PRKCZ: variants seen among roughly 807,000 people sequenced by gnomAD.
PRKCZ encodes the protein protein kinase C zeta type.
A neutral mutation model predicts 79.5 loss-of-function variants in PRKCZ; 33 were observed. The observed-to-expected ratio is 0.41, with a 90% confidence interval of 0.31 to 0.55. The LOEUF (loss-of-function observed/expected upper bound fraction) is 0.55. Among genes scored for constraint, PRKCZ ranks in the 20% least tolerant of loss-of-function variants. The pLI, the probability that PRKCZ is intolerant of heterozygous loss-of-function variation, is 0.19. For missense variants in PRKCZ, 578 were observed against 813.5 expected, an observed-to-expected ratio of 0.71 and a Z score of 3.52; for synonymous variants, 342 against 320.9, an observed-to-expected ratio of 1.07 and a Z score of -0.70.
intron 11 of PRKCZ, among the ~76,000 whole-genome samples, chr1:2,170,167 G>C (rs1415833817): frequency 6.6e-6 from 1 of 152,140 alleles, no homozygotes; most frequent in Non-Finnish European, 1.5e-5. Context: ...AACGAGAGTG[G>C]TCTGTTTCTA....
Position 2,137,458 on chromosome 1 carries a change from G to A in PRKCZ, c.420+2111G>A, listed in dbSNP as rs542340321. 8.5e-5 allele frequency among the ~76,000 whole-genome samples: 13 copies of A among 152,286 alleles called. No homozygotes were observed. In the South Asian group the frequency reaches 2.3e-3, roughly 27 times the overall value. On this transcript the variant is annotated intron_variant, in intron 5 of 17. Transcript: ENST00000378567. The stretch of plus-strand genomic sequence containing the variant: ...CATCCTTCAACCCAGTCAAGTCGGC[G>A]CCTGGTGTGACCCATTACAGTGCCG...
chr1:2,163,442 GATAC>G (rs1682707630), intron 10 of PRKCZ, among the ~76,000 whole-genome samples: 1 of 152,220 alleles, frequency 6.6e-6, no homozygotes, highest in Admixed American at 6.5e-5. Context: ...CCCTGGCAAT[GATAC>G]ATACAGCCTC....
chr1:2,101,172 G>C (rs1233868383), intron 4 of PRKCZ, among the ~76,000 whole-genome samples: 1 of 152,154 alleles, frequency 6.6e-6, no homozygotes, highest in Admixed American at 6.5e-5. Context: ...CTGACAACTG[G>C]AGACTTTATT....
rs986012868 is a variant in PRKCZ, at chr1:2,175,267, C to G, written c.1529C>G (p.Ser510Cys). The G allele has an allele frequency of 2.5e-6, 4 of 1,613,784 alleles. No individual in the cohort carries two copies. The African/African-American group carries it at 5.3e-5, about 22-fold the overall frequency. The change falls in exon 16 of 18, where the codon TCT (serine) becomes TGT (cysteine). Residue 510 changes from serine (S) to cysteine (C), a missense_variant. By Grantham distance (112) the Ser-to-Cys change is moderately radical. This residue lies in a region of PRKCZ where 243 missense variants were observed against 467.0 expected (regional missense o/e 0.52). Coordinates refer to ENST00000378567, the MANE Select transcript of PRKCZ (RefSeq NM_002744.6). ...GGCTGCCGGCCACAGACTGGATTTTCTGACATCAAGTCCCACGCGTTCTTC... is the reference window on the plus strand; with the variant it reads ...GGCTGCCGGCCACAGACTGGATTTTGTGACATCAAGTCCCACGCGTTCTTC... Reference protein sequence around the residue: ...RLGCRPQTGFSDIKSHAFFRS... With the variant: ...RLGCRPQTGFCDIKSHAFFRS...
intron 4 of PRKCZ, among the ~76,000 whole-genome samples, chr1:2,091,364 C>A (rs1187619170): frequency 6.6e-6 from 1 of 152,154 alleles, no homozygotes; most frequent in Non-Finnish European, 1.5e-5. Flanking sequence ...TGGTAAAATA[C>A]CTATAACATA....
chr1:2,109,142 C>T (rs775892732), intron 4 of PRKCZ, among the ~76,000 whole-genome samples: 14 of 152,326 alleles, frequency 9.2e-5, no homozygotes, highest in Non-Finnish European at 1.3e-4. Context: ...TGCAAAGTCC[C>T]GTATGCCACG....
At chr1:2,169,027 G>T (rs2100238232) in intron 10 of PRKCZ, 1 of 391,086 alleles carries the variant, frequency 2.6e-6, no homozygotes, top group South Asian at 1.8e-5. Context: ...GCTTCTCCCT[G>T]ACCCCAGCTT....
At chr1:2,086,616 C>A (rs2102439233) in intron 4 of PRKCZ, among the ~76,000 whole-genome samples, 1 of 152,348 alleles carries the variant, frequency 6.6e-6, no homozygotes, top group East Asian at 1.9e-4. Flanking sequence ...ACTTGGCTTC[C>A]TTCGGAGGAG....
At position 2,055,580 on chromosome 1, in the gene PRKCZ, T is replaced by C. The variant is rs201761162; in HGVS notation, c.193+18T>C. The C allele has an allele frequency of 7.8e-4, 1,247 of 1,608,214 alleles. 4 individuals are homozygous for C. Among genetic ancestry groups the C allele is most frequent in the Non-Finnish European group, 6.1e-4 (715 of 1,176,808 alleles). ...CAGCGAAGGTAGCCCTTGTCCCATG[T>C]TGGCCAGAATCCTCAGCCTCAGGGG... On this transcript the variant is annotated intron_variant, in intron 2 of 17. Coordinates refer to ENST00000378567, the MANE Select transcript of PRKCZ (RefSeq NM_002744.6).
At chr1:2,150,744 CG>C in intron 8 of PRKCZ, 45 bp from the exon 9 acceptor site, 1 of 1,571,394 alleles carries the variant, frequency 6.4e-7, no homozygotes, top group Middle Eastern at 1.8e-4. Flanking sequence ...CTGAGTCTCC[CG>C]GGAACCCCCC....
At position 2,082,482 on chromosome 1, in the gene PRKCZ, C is replaced by T. The variant is rs760064396; in HGVS notation, c.334+22891C>T. The T allele has an allele frequency of 2.0e-5, 9 of 449,808 alleles. No homozygotes were observed. Among genetic ancestry groups the T allele is most frequent in the South Asian group, 9.4e-5 (6 of 63,534 alleles). 27.9% of individuals were successfully genotyped at this position (449,808 alleles called of 1,614,324 possible). ...TTCTGTGAGTGTAAGATCACGTCCG[C>T]GTTCCTAGCGACCGGTTTTGTGATG... On this transcript the variant is annotated intron_variant, in intron 4 of 17. Transcript: ENST00000378567. This position sits in a 1 kb window ranked among gnomAD's most constrained non-coding sequence, Gnocchi z 4.4.
At chr1:2,055,922 G>A (rs959794556) in intron 2 of PRKCZ, 5 of 209,904 alleles carry the variant, frequency 2.4e-5, no homozygotes, top group East Asian at 1.2e-4. Flanking sequence ...TAGGGACCAC[G>A]GGGAGGGCAC....
At chr1:2,065,373 C>T (rs886233317) in intron 4 of PRKCZ, among the ~76,000 whole-genome samples, 1 of 152,150 alleles carries the variant, frequency 6.6e-6, no homozygotes, top group African/African-American at 2.4e-5. Flanking sequence ...TTCCACTACT[C>T]TGTTGAATAA....
Position 2,094,436 on chromosome 1 carries a change from C to A in PRKCZ, c.334+34845C>A, listed in dbSNP as rs995503279. Among the ~76,000 whole-genome samples, 1 of 150,440 alleles carries A rather than the reference C, an allele frequency of 6.6e-6. No individual in the cohort carries two copies. Among genetic ancestry groups the A allele is most frequent in the African/African-American group, 2.5e-5 (1 of 40,742 alleles). On this transcript the variant is annotated intron_variant, in intron 4 of 17. Coordinates refer to ENST00000378567, the MANE Select transcript of PRKCZ (RefSeq NM_002744.6). This position sits in a 1 kb window ranked among gnomAD's most constrained non-coding sequence, Gnocchi z 7.3. ...CGTTGAACCTTGGGCGCTGCCCGTT[C>A]TGAGGCACCCGCTGTGCCCGGCTCG... is the stretch of plus-strand genomic sequence containing the variant.
chr1:2,104,343 G>A (rs1372721164), intron 4 of PRKCZ, among the ~76,000 whole-genome samples: 1 of 152,192 alleles, frequency 6.6e-6, no homozygotes. Context: ...TAGCCCCACG[G>A]GCTGAGGGAA....
At position 2,125,632 on chromosome 1, in the gene PRKCZ, A is replaced by G. The variant is rs1201817170; in HGVS notation, c.335-9630A>G. On this transcript the variant is annotated intron_variant, in intron 4 of 17. Coordinates refer to ENST00000378567, the MANE Select transcript of PRKCZ (RefSeq NM_002744.6). The surrounding 1 kb of genome is among the most constrained non-coding windows in gnomAD (Gnocchi z 4.2). ...CTGACATGCTCCCAGGGAACCCAAG[A>G]AAAGACTGAGACCCTGTGGTGCCTC... is the stretch of plus-strand genomic sequence containing the variant. 6.6e-6 allele frequency among the ~76,000 whole-genome samples: 1 copy of G among 152,186 alleles called. No homozygotes were observed. Among genetic ancestry groups the G allele is most frequent in the Non-Finnish European group, 1.5e-5 (1 of 68,020 alleles).
intron 9 of PRKCZ, among the ~76,000 whole-genome samples, chr1:2,151,194 C>A (rs538106653): frequency 6.6e-5 from 10 of 152,256 alleles, no homozygotes; most frequent in Non-Finnish European, 1.3e-4. Flanking sequence ...TCACAGTGTG[C>A]ACTCCACAAA....
intron 10 of PRKCZ, among the ~76,000 whole-genome samples, chr1:2,161,249 G>A (rs1682234688): frequency 6.6e-6 from 1 of 152,252 alleles, no homozygotes; most frequent in Non-Finnish European, 1.5e-5. Context: ...TGCCTAAAAT[G>A]GTAAAAGTGC....
chr1:2,099,517 G>A (rs1667098140), intron 4 of PRKCZ, among the ~76,000 whole-genome samples: 1 of 152,160 alleles, frequency 6.6e-6, no homozygotes, highest in South Asian at 2.1e-4. Context: ...GGGCGGGGCG[G>A]GGTGGGGAAG....
Sources: allele counts gnomAD v4.1 joint callset (sites outside exome capture counted in the v4.1 genomes callset), GRCh38; gene constraint gnomAD v4.1.1; regional missense constraint gnomAD v4.1.1; non-coding constraint Gnocchi (gnomAD v3.1); transcripts MANE v1.5; gene names NCBI Gene and HGNC (gene_info 2026-07-23, HGNC 2026-07-21).